Variants in UROC1 observed in about 807,000 individuals in gnomAD.
The protein encoded by UROC1 is urocanate hydratase 1, also known as urocanate hydratase.
A neutral mutation model predicts 89.5 loss-of-function variants in UROC1; 79 were observed. The observed-to-expected ratio is 0.88, with a 90% confidence interval of 0.74 to 1.06. UROC1 has a LOEUF of 1.06. Ranked by LOEUF, UROC1 falls within the 50% of genes least tolerant of loss-of-function variation. The pLI, the probability that UROC1 is intolerant of heterozygous loss-of-function variation, is 0.00. For synonymous variants in UROC1, 361 were observed against 354.8 expected (o/e 1.02, Z -0.20); for missense variants, 885 against 907.8 (o/e 0.97, Z 0.32).
intron 14 of UROC1, 97 bp from the exon 15 acceptor site, chr3:126,496,205 C>G: frequency 8.0e-7 from 1 of 1,251,274 alleles, no homozygotes. Flanking sequence ...TGCCCCGAGC[C>G]CACCACTGAG....
intron 18 of UROC1, among the ~76,000 whole-genome samples, chr3:126,484,109 G>A (rs1219288619): frequency 1.3e-5 from 2 of 152,238 alleles, no homozygotes; most frequent in South Asian, 2.1e-4. Context: ...TGATCTGAAG[G>A]CTAAGTTCCT....
At chr3:126,485,326 G>A (rs1377224428) in intron 18 of UROC1, among the ~76,000 whole-genome samples, 1 of 152,126 alleles carries the variant, frequency 6.6e-6, no homozygotes, top group Non-Finnish European at 1.5e-5. Context: ...CAAAGGCACA[G>A]CAAGGCTACC....
chr3:126,491,313 G>A (rs1358140865), intron 16 of UROC1, among the ~76,000 whole-genome samples: 3 of 152,208 alleles, frequency 2.0e-5, no homozygotes, highest in East Asian at 3.8e-4. Context: ...CACACTACAC[G>A]GGTCTGTCTT....
intron 16 of UROC1, among the ~76,000 whole-genome samples, chr3:126,491,858 C>T (rs947468385): frequency 2.0e-5 from 3 of 152,172 alleles, no homozygotes; most frequent in Admixed American, 1.3e-4. Context: ...AATCCTCACA[C>T]ACATGCTTTT....
chr3:126,505,008 C>T lies in UROC1; in HGVS notation c.813+693G>A, dbSNP rs79687802. On this transcript the variant is annotated intron_variant, in intron 8 of 19. Coordinates refer to ENST00000290868, the MANE Select transcript of UROC1 (RefSeq NM_144639.3). ...GACTGAGTTCTTGCTCTGTTTGTTC[C>T]TACAAGAGCTGGTTGTTTAAAAGGT... Among the ~76,000 whole-genome samples, 38 of 152,212 alleles carry T rather than the reference C, an allele frequency of 2.5e-4. No homozygotes were observed. The East Asian group carries it at 6.6e-3, about 26-fold the overall frequency.
In UROC1 at chr3:126,505,977, T is replaced by C. The variant is rs767668365; in HGVS notation, c.637A>G (p.Ile213Val). 8 of 1,613,028 alleles carry C rather than the reference T, an allele frequency of 5.0e-6. No homozygotes were observed. Among genetic ancestry groups the C allele is most frequent in the Middle Eastern group, 3.3e-4 (2 of 6,058 alleles). Residue 213 changes from isoleucine to valine, a missense_variant, in exon 7 of 20, where the codon ATC (isoleucine) becomes GTC (valine). By Grantham distance (29) the Ile-to-Val change is conservative. Coordinates refer to ENST00000290868, the MANE Select transcript of UROC1 (RefSeq NM_144639.3). ...GQMTAGSYCYIGPQGIVHGTV... is the reference protein window; with the variant it reads ...GQMTAGSYCYVGPQGIVHGTV... Reference sequence around the variant, plus strand: ...CCATGAACGATTCCCTGGGGACCGATGTAGCAGTAGCTACCTGCTGTCATC... The same window carrying C: ...CCATGAACGATTCCCTGGGGACCGACGTAGCAGTAGCTACCTGCTGTCATC...
chr3:126,503,967 G>C (rs763957784), intron 9 of UROC1, 28 bp downstream of exon 9: 3 of 1,613,258 alleles, frequency 1.9e-6, no homozygotes, highest in African/African-American at 1.3e-5. Flanking sequence ...CAGGTGTCAG[G>C]TGTCCGGAGT....
At chr3:126,492,377 G>T in intron 16 of UROC1, 41 bp downstream of exon 16, 1 of 1,578,464 alleles carries the variant, frequency 6.3e-7, no homozygotes, top group East Asian at 2.3e-5. Flanking sequence ...GCAGTGGGAA[G>T]AGGCTGAGGG....
At chr3:126,509,433 C>A in intron 3 of UROC1, 152 bp downstream of exon 3, 1 of 746,008 alleles carries the variant, frequency 1.3e-6, no homozygotes. Flanking sequence ...CTGGGGGAAG[C>A]CGAGGGAAGG....
rs370476247 is a variant in UROC1, at chr3:126,500,151, C to T, written c.1149G>A (p.Leu383=). Residue 383 remains leucine, a synonymous_variant, in exon 12 of 20, where the codon CTG becomes CTA. Transcript: ENST00000290868. ...AVFKDLVQES[L]RRQVSAINRL... is the part of the protein sequence containing the mutation. ...TGTTGATGGCTGAGACTTGCCTCCT[C>T]AGGCTGCAACAAGCCATGGGTCAGC... 1.2e-6 allele frequency: 2 copies of T among 1,613,476 alleles called. No individual in the cohort carries two copies. The highest frequency in any genetic ancestry group is 2.2e-5 in the East Asian group (1 of 44,878).
chr3:126,511,421 C>T (rs939514466), intron 1 of UROC1, among the ~76,000 whole-genome samples: 1 of 152,216 alleles, frequency 6.6e-6, no homozygotes, highest in Admixed American at 6.5e-5. Context: ...AAACTGATTT[C>T]ACAGCCTGCT....
At position 126,498,094 on chromosome 3, in the gene UROC1, G is replaced by T. The variant is rs371652976; in HGVS notation, c.1395C>A (p.Asp465Glu). ...CCTCCAGCACAGATGTGGCCAGTTCGTCTGTGACCGCCAGGTCCTGGGGGT... is the reference window on the plus strand; with the variant it reads ...CCTCCAGCACAGATGTGGCCAGTTCTTCTGTGACCGCCAGGTCCTGGGGGT... ...SGDPQDLAVT[D>E]ELATSVLEEA... The change falls in exon 14 of 20, where the codon GAC becomes GAA. Residue 465 changes from aspartate to glutamate, a missense_variant. Transcript: ENST00000290868. The T allele has an allele frequency of 6.2e-7, 1 of 1,614,128 alleles. No individual in the cohort carries two copies. The highest frequency in any genetic ancestry group is 1.3e-5 in the African/African-American group (1 of 75,052).
chr3:126,482,476 G>A lies in UROC1; in HGVS notation c.1900C>T (p.Arg634Cys), dbSNP rs576157581. The change falls in exon 20 of 20, where the codon CGC (arginine) becomes TGC (cysteine). Residue 634 changes from arginine (R) to cysteine (C), a missense_variant. Physicochemically the swap from Arg to Cys is radical, Grantham distance 180. Coordinates refer to ENST00000290868, the MANE Select transcript of UROC1 (RefSeq NM_144639.3). Reference sequence around the variant, plus strand: ...GCCTTCTGGTTCCCTGACCAGCAGCGCCGGGCCACCTAGGGCAAGGAGGGG... The same window carrying A: ...GCCTTCTGGTTCCCTGACCAGCAGCACCGGGCCACCTAGGGCAAGGAGGGG... ...SWDVSNGVAR[R>C]CWSGNQKAYE... is the part of the protein sequence containing the mutation. 1.9e-5 allele frequency: 30 copies of A among 1,613,950 alleles called. No homozygotes were observed. The highest frequency in any genetic ancestry group is 1.1e-4 in the South Asian group (10 of 91,084).
chr3:126,481,982 T>G lies in UROC1; in HGVS notation c.*363A>C. On this transcript the variant is annotated 3_prime_UTR_variant, in exon 20 of 20. Coordinates refer to ENST00000290868, the MANE Select transcript of UROC1 (RefSeq NM_144639.3). ...TGGGCAGCAGACAGACAGAGTTGCA[T>G]GGAGGCTGGCAGGTGGCCAGGAAGC... is the stretch of plus-strand genomic sequence containing the variant. 1 of 325,024 alleles carries G rather than the reference T, an allele frequency of 3.1e-6. No homozygotes were observed. Among genetic ancestry groups the G allele is most frequent in the African/African-American group, 2.1e-5 (1 of 47,356 alleles). 20.1% of individuals were successfully genotyped at this position (325,024 alleles called of 1,614,324 possible).
chr3:126,487,171 G>A (rs906141113), intron 18 of UROC1, among the ~76,000 whole-genome samples: 5 of 150,844 alleles, frequency 3.3e-5, no homozygotes, highest in African/African-American at 1.2e-4. Context: ...GCCTTCGGCT[G>A]TCTGTCAGCA....
intron 13 of UROC1, 111 bp from the exon 14 acceptor site, chr3:126,498,283 AC>A (rs1247416764): frequency 1.8e-5 from 29 of 1,580,704 alleles, no homozygotes; most frequent in Non-Finnish European, 2.4e-5. Flanking sequence ...CAGGTGTGGA[AC>A]CCCCTAAGCT....
intron 14 of UROC1, 84 bp downstream of exon 14, chr3:126,497,967 G>A (rs1935820056): frequency 6.2e-7 from 1 of 1,607,912 alleles, no homozygotes; most frequent in Non-Finnish European, 8.5e-7. Context: ...TAGCTAGGTG[G>A]GCCTGCTATA....
intron 14 of UROC1, among the ~76,000 whole-genome samples, chr3:126,497,779 G>A (rs1260398873): frequency 6.8e-6 from 1 of 147,368 alleles, no homozygotes; most frequent in African/African-American, 2.5e-5. Flanking sequence ...CAGAGCCCAG[G>A]ACAGCTCTGG....
chr3:126,485,539 G>C (rs977492822), intron 18 of UROC1, among the ~76,000 whole-genome samples: 3 of 151,910 alleles, frequency 2.0e-5, no homozygotes, highest in Admixed American at 6.6e-5. Flanking sequence ...TGCTAGAAAT[G>C]CTGAATCTCC....
Sources: allele counts gnomAD v4.1 joint callset (sites outside exome capture counted in the v4.1 genomes callset), GRCh38; gene constraint gnomAD v4.1.1; transcripts MANE v1.5; gene names NCBI Gene and HGNC (gene_info 2026-07-23, HGNC 2026-07-21).